The following MAGI2 variants were observed in gnomAD, a reference collection of about 807,000 sequenced individuals.
MAGI2 encodes membrane-associated guanylate kinase, WW and PDZ domain-containing protein 2.
MAGI2 carries 35 observed loss-of-function variants against 133.3 expected under a neutral mutation model. The observed-to-expected ratio is 0.26, with a 90% CI of 0.20 to 0.35. MAGI2 has a LOEUF of 0.35. Among genes scored for constraint, MAGI2 ranks in the 10% least tolerant of loss-of-function variants. The pLI is 1.00. For missense variants in MAGI2, 1,636 were observed against 1,863.4 expected (o/e 0.88, Z 2.25); for synonymous variants, 729 against 710.6 (o/e 1.03, Z -0.41).
chr7:78,497,914 C>A (rs1232364465), intron 5 of MAGI2, among the ~76,000 whole-genome samples: 1 of 152,110 alleles, frequency 6.6e-6, no homozygotes, highest in Non-Finnish European at 1.5e-5. Context: ...TTACTGTAAG[C>A]AGCTCTCACA....
chr7:78,226,481 C>T (rs954690422), intron 10 of MAGI2, among the ~76,000 whole-genome samples: 2 of 152,216 alleles, frequency 1.3e-5, no homozygotes, highest in African/African-American at 4.8e-5. Flanking sequence ...ACTTTACATT[C>T]ATGCTCGTTA....
chr7:78,905,529 A>G (rs559573546), intron 2 of MAGI2, among the ~76,000 whole-genome samples: 2 of 152,288 alleles, frequency 1.3e-5, no homozygotes, highest in East Asian at 3.9e-4. Flanking sequence ...TAAGTGCTCA[A>G]TAATTTGTTA....
rs146601381 is a variant in MAGI2 at position 79,320,490 on chromosome 7, A to G, written c.301+132530T>C. ...TGTTTTATAAGGTGTTGAAATTTGT[A>G]TTTTAGATTTCTTGTGTGACCAATT... On this transcript the variant is annotated intron_variant, in intron 1 of 21. Transcript: ENST00000354212. Among the ~76,000 whole-genome samples the G allele has an allele frequency of 3.9e-4, 60 of 152,180 alleles. No individual in the cohort carries two copies. In the East Asian group the frequency reaches 0.011, roughly 28 times the overall value.
chr7:78,730,480 T>C (rs1821267352), intron 2 of MAGI2, among the ~76,000 whole-genome samples: 1 of 152,002 alleles, frequency 6.6e-6, no homozygotes, highest in African/African-American at 2.4e-5. Context: ...GAAGGATATC[T>C]TTATTGATTA....
chr7:78,575,016 G>A lies in MAGI2; in HGVS notation c.538+52104C>T, dbSNP rs113577643. On this transcript the variant is annotated intron_variant, in intron 3 of 21. Transcript: ENST00000354212. ...TCTCATCCTCATCCTGTAAACATTT[G>A]CTGTCTACACCCGCAGTTTCTAATG... Among the ~76,000 whole-genome samples, 42 of 152,114 alleles carry A rather than the reference G, an allele frequency of 2.8e-4. No homozygotes were observed. In the South Asian group the frequency reaches 4.2e-3, roughly 15 times the overall value.
chr7:79,038,684 CTG>C (rs1220154602), intron 1 of MAGI2, among the ~76,000 whole-genome samples: 1 of 152,128 alleles, frequency 6.6e-6, no homozygotes, highest in African/African-American at 2.4e-5. Context: ...TAGTATGTCA[CTG>C]TGTATGGAAT....
chr7:78,716,479 G>C (rs933584862), intron 2 of MAGI2, among the ~76,000 whole-genome samples: 1 of 152,160 alleles, frequency 6.6e-6, no homozygotes, highest in African/African-American at 2.4e-5. Context: ...ATGGCAATTA[G>C]TGGGTGGTGG....
chr7:78,618,941 T>C (rs1002975746), intron 3 of MAGI2: 1 of 145,760 alleles, frequency 6.9e-6, no homozygotes, highest in Admixed American at 7.1e-5. Context: ...GAGGAATCGG[T>C]TCTGGTGATC....
chr7:78,243,337 A>G (rs1452274568), intron 10 of MAGI2, among the ~76,000 whole-genome samples: 1 of 151,988 alleles, frequency 6.6e-6, no homozygotes, highest in African/African-American at 2.4e-5. Context: ...TAAACCGTAT[A>G]TGGTGTTATG....
intron 20 of MAGI2, among the ~76,000 whole-genome samples, chr7:78,100,862 G>A (rs1223230424): frequency 1.3e-5 from 2 of 151,994 alleles, no homozygotes; most frequent in East Asian, 3.9e-4. Context: ...AAAGTTGCAA[G>A]ATACACAATT....
chr7:79,361,808 A>C (rs1259287789), intron 1 of MAGI2, among the ~76,000 whole-genome samples: 1 of 152,228 alleles, frequency 6.6e-6, no homozygotes, highest in Non-Finnish European at 1.5e-5. Flanking sequence ...CTCTAAATAC[A>C]TGGAAATAAA....
rs559646379 is a variant in MAGI2, at chr7:79,398,786, TTAAAC to T, written c.301+54229_301+54233del. Among the ~76,000 whole-genome samples, 164 of 152,302 alleles carry T rather than the reference TTAAAC, an allele frequency of 1.1e-3. 1 individual carries two copies. The highest frequency in any genetic ancestry group is 2.0e-3 in the Non-Finnish European group (139 of 68,028). The stretch of plus-strand genomic sequence containing the variant: ...ATACTGAGATTATCTAATTTTTTTC[TTAAAC>T]TAATTATTCTTTGATTCAGTGCACA... On this transcript the variant is annotated intron_variant, in intron 1 of 21. Coordinates refer to ENST00000354212, the MANE Select transcript of MAGI2 (RefSeq NM_012301.4).
At chr7:78,901,468 A>G (rs1797615765) in intron 2 of MAGI2, 1 of 152,214 alleles carries the variant, frequency 6.6e-6, no homozygotes, top group African/African-American at 2.4e-5. Context: ...TTATCATTAT[A>G]TCATCATTGT....
At chr7:79,309,307 G>A (rs1023876977) in intron 1 of MAGI2, among the ~76,000 whole-genome samples, 2 of 151,614 alleles carry the variant, frequency 1.3e-5, no homozygotes, top group African/African-American at 4.8e-5. Context: ...ATTTGTGTTG[G>A]ACGAGGAAAC....
At chr7:78,572,656 ATATTTATT>A (rs373624582) in intron 3 of MAGI2, among the ~76,000 whole-genome samples, 1 of 151,566 alleles carries the variant, frequency 6.6e-6, no homozygotes, top group African/African-American at 2.4e-5. Context: ...ATTTACTTTT[ATATTTATT>A]TATTTATTTA....
At chr7:79,050,047 C>T (rs1305287650) in intron 1 of MAGI2, among the ~76,000 whole-genome samples, 2 of 152,252 alleles carry the variant, frequency 1.3e-5, no homozygotes, top group Admixed American at 6.5e-5. Flanking sequence ...GACCATGAAG[C>T]TTTGGTTGAA....
chr7:78,930,262 A>T (rs1800011798), intron 2 of MAGI2, among the ~76,000 whole-genome samples: 1 of 152,146 alleles, frequency 6.6e-6, no homozygotes, highest in African/African-American at 2.4e-5. Context: ...AGCACCACTG[A>T]AAAGGGTTAA....
rs114447324 is a variant in MAGI2 at position 78,169,748 on chromosome 7, C to T, written c.2404-1640G>A. Reference sequence around the variant, plus strand: ...GACAAATGATTCATGATTGCTGTCACAGGACAGGCCTGACATCTCCTGCCT... The same window carrying T: ...GACAAATGATTCATGATTGCTGTCATAGGACAGGCCTGACATCTCCTGCCT... On this transcript the variant is annotated intron_variant, in intron 14 of 21. Transcript: ENST00000354212. Among the ~76,000 whole-genome samples, 1,025 of 152,312 alleles carry T rather than the reference C, an allele frequency of 6.7e-3. 10 individuals carry two copies. The highest frequency in any genetic ancestry group is 0.023 in the African/African-American group (970 of 41,564).
chr7:78,266,135 T>C (rs1465360460), intron 9 of MAGI2, among the ~76,000 whole-genome samples: 1 of 152,204 alleles, frequency 6.6e-6, no homozygotes, highest in Non-Finnish European at 1.5e-5. Context: ...TTTTTGTAAT[T>C]GTGTGTGTAT....
Sources: gnomAD v4.1 joint callset for allele counts (sites outside exome capture counted in the v4.1 genomes callset) on GRCh38, gnomAD v4.1.1 for gene constraint, MANE v1.5 for transcripts, NCBI Gene and HGNC (gene_info 2026-07-23, HGNC 2026-07-21) for gene names.